The following ATRNL1 variants were observed in gnomAD, a reference collection of about 807,000 sequenced individuals.
ATRNL1 encodes the protein attractin-like protein 1.
A neutral mutation model predicts 182.7 loss-of-function variants in ATRNL1; 95 were observed. The observed-to-expected ratio is 0.52, with a 90% CI of 0.44 to 0.62. The LOEUF (loss-of-function observed/expected upper bound fraction) is 0.62, where lower values mean the gene tolerates loss of function less well. Ranked by LOEUF, ATRNL1 falls within the 20% of genes least tolerant of loss-of-function variation. The pLI, the probability that ATRNL1 is intolerant of heterozygous loss-of-function variation, is 0.00. For missense variants in ATRNL1, 1,471 were observed against 1,679.5 expected, an observed-to-expected ratio of 0.88 and a Z score of 2.17; for synonymous variants, 576 against 568.3, an observed-to-expected ratio of 1.01 and a Z score of -0.19.
At chr10:115,802,750 C>A (rs535720551) in intron 27 of ATRNL1, among the ~76,000 whole-genome samples, 1 of 152,074 alleles carries the variant, frequency 6.6e-6, no homozygotes, top group South Asian at 2.1e-4. Context: ...CTATATGAGA[C>A]GTTTGTTAAC....
chr10:115,225,134 A>T (rs983676369), intron 9 of ATRNL1, among the ~76,000 whole-genome samples: 4 of 152,070 alleles, frequency 2.6e-5, no homozygotes, highest in Non-Finnish European at 5.9e-5. Context: ...AGAAAATAAT[A>T]GATTATTTGG....
intron 26 of ATRNL1, among the ~76,000 whole-genome samples, chr10:115,622,127 G>A (rs1011321588): frequency 1.3e-5 from 2 of 152,134 alleles, no homozygotes; most frequent in African/African-American, 4.8e-5. Context: ...AATAAAAGAC[G>A]AAGAGAGAGT....
intron 28 of ATRNL1, among the ~76,000 whole-genome samples, chr10:115,867,332 C>A (rs1437545183): frequency 6.6e-6 from 1 of 152,132 alleles, no homozygotes; most frequent in Non-Finnish European, 1.5e-5. Context: ...GATAACACAT[C>A]TAGGAATACC....
chr10:115,548,450 A>G (rs1388557984), intron 25 of ATRNL1, among the ~76,000 whole-genome samples: 1 of 152,194 alleles, frequency 6.6e-6, no homozygotes, highest in Non-Finnish European at 1.5e-5. Context: ...ATGATTAAGG[A>G]TGAGAACCAG....
intron 10 of ATRNL1, among the ~76,000 whole-genome samples, chr10:115,254,904 T>A (rs1228043695): frequency 3.3e-5 from 5 of 152,100 alleles, no homozygotes; most frequent in Admixed American, 1.3e-4. Context: ...TCCTTTCCCC[T>A]TTTCTTGTTT....
At chr10:115,110,219 A>G (rs931919023) in intron 1 of ATRNL1, among the ~76,000 whole-genome samples, 7 of 152,122 alleles carry the variant, frequency 4.6e-5, no homozygotes, top group Non-Finnish European at 8.8e-5. Flanking sequence ...TGATTATGTT[A>G]TGTCATTTGT....
At chr10:115,212,971 C>T (rs1370177901) in intron 8 of ATRNL1, among the ~76,000 whole-genome samples, 1 of 151,928 alleles carries the variant, frequency 6.6e-6, no homozygotes, top group Non-Finnish European at 1.5e-5. Context: ...ATGTAACAAA[C>T]CTGCACTTGT....
At chr10:115,733,759 T>C (rs1393799037) in intron 27 of ATRNL1, among the ~76,000 whole-genome samples, 2 of 152,178 alleles carry the variant, frequency 1.3e-5, no homozygotes, top group East Asian at 3.8e-4. Context: ...TTATAGCTGA[T>C]TTGTGATATT....
At chr10:115,873,518 T>C (rs1327556958) in intron 28 of ATRNL1, among the ~76,000 whole-genome samples, 1 of 152,194 alleles carries the variant, frequency 6.6e-6, no homozygotes, top group East Asian at 1.9e-4. Flanking sequence ...TAACAATTCA[T>C]TTATTTGTCT....
chr10:115,495,271 G>T (rs1440182227), intron 24 of ATRNL1, among the ~76,000 whole-genome samples: 2 of 151,920 alleles, frequency 1.3e-5, no homozygotes, highest in African/African-American at 4.8e-5. Context: ...TTCAAAGAAT[G>T]AAGTGGGTTT....
rs116655239 is a variant in ATRNL1, at chr10:115,611,537, C to G, written c.3795+62001C>G. The stretch of plus-strand genomic sequence containing the variant: ...AAATTATTTATTAACTACTGTCTTT[C>G]AGGTGTTTATATTCTACTGTGAAGA... On this transcript the variant is annotated intron_variant, in intron 26 of 28. Transcript: ENST00000355044. 7.7e-3 allele frequency among the ~76,000 whole-genome samples: 1,167 copies of G among 152,060 alleles called. 22 individuals carry two copies. The highest frequency in any genetic ancestry group is 0.027 in the African/African-American group (1,121 of 41,540).
chr10:115,598,722 G>C (rs1169816546), intron 26 of ATRNL1, among the ~76,000 whole-genome samples: 1 of 152,048 alleles, frequency 6.6e-6, no homozygotes, highest in Non-Finnish European at 1.5e-5. Context: ...AGTGAGAAGA[G>C]TGGCTTTGTT....
chr10:115,620,427 A>G (rs571291248), intron 26 of ATRNL1, among the ~76,000 whole-genome samples: 1 of 152,318 alleles, frequency 6.6e-6, no homozygotes, highest in African/African-American at 2.4e-5. Flanking sequence ...CTTATCAAGG[A>G]GTTACATAAA....
intron 26 of ATRNL1, among the ~76,000 whole-genome samples, chr10:115,573,982 C>T (rs1338664142): frequency 6.6e-6 from 1 of 152,094 alleles, no homozygotes; most frequent in Non-Finnish European, 1.5e-5. Context: ...GTAGGAGAAC[C>T]TGTGACAGAC....
chr10:115,882,813 CAG>C, intron 28 of ATRNL1, among the ~76,000 whole-genome samples: 1 of 152,314 alleles, frequency 6.6e-6, no homozygotes, highest in Non-Finnish European at 1.5e-5. Context: ...GTAAAATAGA[CAG>C]ATGTCTACAG....
At chr10:115,727,485 T>A in intron 27 of ATRNL1, 130 bp downstream of exon 27, 1 of 686,282 alleles carries the variant, frequency 1.5e-6, no homozygotes, top group East Asian at 2.7e-5. Flanking sequence ...CAGCTACATA[T>A]GTTATGCCAT....
intron 5 of ATRNL1, among the ~76,000 whole-genome samples, chr10:115,131,527 C>T (rs1554875157): frequency 1.3e-5 from 2 of 151,992 alleles, no homozygotes; most frequent in East Asian, 3.9e-4. Context: ...TGTGAGCAAA[C>T]TCATTTAGGG....
chr10:115,129,567 C>G, intron 5 of ATRNL1, 32 bp downstream of exon 5: 3 of 1,560,274 alleles, frequency 1.9e-6, no homozygotes, highest in Non-Finnish European at 8.8e-7. Flanking sequence ...GCTTTTGAAA[C>G]ATTGATTCAT....
intron 19 of ATRNL1, among the ~76,000 whole-genome samples, chr10:115,392,249 A>T (rs1164770177): frequency 2.0e-5 from 3 of 152,094 alleles, no homozygotes; most frequent in African/African-American, 7.2e-5. Context: ...TCTTATATAG[A>T]TGTAATTTAT....
Sources: allele counts gnomAD v4.1 joint callset (sites outside exome capture counted in the v4.1 genomes callset), GRCh38; gene constraint gnomAD v4.1.1; transcripts MANE v1.5; gene names NCBI Gene and HGNC (gene_info 2026-07-23, HGNC 2026-07-21).